THSD7B: variants seen among roughly 807,000 people sequenced by gnomAD.
THSD7B encodes the protein thrombospondin type 1 domain containing 7B, also known as thrombospondin type-1 domain-containing protein 7B.
Under a neutral mutation model 213.6 loss-of-function variants are expected in THSD7B, and 138 were observed. The observed-to-expected ratio is 0.65, with a 90% CI of 0.56 to 0.74. The LOEUF (loss-of-function observed/expected upper bound fraction) is 0.74. Among genes scored for constraint, THSD7B ranks in the 30% least tolerant of loss-of-function variants. The probability of loss-of-function intolerance (pLI) is 0.00; values close to 1 mark genes in which losing one functional copy is unlikely to be tolerated. For synonymous variants in THSD7B, 742 were observed against 687.0 expected (o/e 1.08, Z -1.25); for missense variants, 1,931 against 1,991.5 (o/e 0.97, Z 0.58).
At chr2:137,623,425 C>G (rs184503514) in intron 20 of THSD7B, among the ~76,000 whole-genome samples, 7,625 of 152,094 alleles carry the variant, frequency 0.05, 602 homozygotes, top group African/African-American at 0.18. Flanking sequence ...GCACAAGACA[C>G]AGATGCCCTC....
chr2:137,310,683 A>C (rs1449608911), intron 12 of THSD7B, among the ~76,000 whole-genome samples: 1 of 152,130 alleles, frequency 6.6e-6, no homozygotes, highest in African/African-American at 2.4e-5. Flanking sequence ...ATTTTTGTAT[A>C]AGGCATAAGG....
At chr2:136,876,551 G>A (rs572828136) in intron 1 of THSD7B, among the ~76,000 whole-genome samples, 8 of 152,282 alleles carry the variant, frequency 5.3e-5, no homozygotes, top group African/African-American at 1.9e-4. Flanking sequence ...TGGAGTGAAT[G>A]TCTATTGAGA....
At chr2:137,611,858 G>A (rs1308281941) in intron 17 of THSD7B, among the ~76,000 whole-genome samples, 1 of 151,940 alleles carries the variant, frequency 6.6e-6, no homozygotes, top group Non-Finnish European at 1.5e-5. Flanking sequence ...AAGTCTTTTG[G>A]GGAGACAAGG....
At chr2:137,529,551 C>T (rs1372754755) in intron 15 of THSD7B, among the ~76,000 whole-genome samples, 1 of 149,666 alleles carries the variant, frequency 6.7e-6, no homozygotes, top group African/African-American at 2.5e-5. Flanking sequence ...GTAGAATGTT[C>T]ATGGAATCTG....
chr2:137,176,125 G>A (rs1680353199), intron 7 of THSD7B, among the ~76,000 whole-genome samples: 1 of 152,076 alleles, frequency 6.6e-6, no homozygotes. Context: ...AAGAAGAATA[G>A]ATTATTCATC....
intron 12 of THSD7B, among the ~76,000 whole-genome samples, chr2:137,285,429 T>A (rs1683146952): frequency 6.6e-6 from 1 of 152,120 alleles, no homozygotes. Flanking sequence ...ATGTGTGAAT[T>A]TGATCCTGTC....
chr2:137,441,320 C>T (rs1356034183), intron 14 of THSD7B, among the ~76,000 whole-genome samples: 1 of 152,084 alleles, frequency 6.6e-6, no homozygotes, highest in African/African-American at 2.4e-5. Flanking sequence ...CCAGCAGAAC[C>T]TCCTCCTGTG....
chr2:137,493,308 T>A (rs559441734), intron 15 of THSD7B, among the ~76,000 whole-genome samples: 44 of 152,240 alleles, frequency 2.9e-4, no homozygotes, highest in Admixed American at 9.2e-4. Flanking sequence ...TTTTAACAAT[T>A]GCTTTCTCTA....
At chr2:136,804,403 A>AACACACACAC (rs3030361) in intron 1 of THSD7B, among the ~76,000 whole-genome samples, 2,306 of 148,158 alleles carry the variant, frequency 0.016, 33 homozygotes, top group Middle Eastern at 0.059. Context: ...ACACACACAT[A>AACACACACAC]ACACACACAC....
intron 12 of THSD7B, among the ~76,000 whole-genome samples, chr2:137,349,403 A>G (rs1049889131): frequency 7.9e-5 from 12 of 151,796 alleles, no homozygotes; most frequent in African/African-American, 2.7e-4. Flanking sequence ...CAGTACCCCA[A>G]TGCTGTTTAT....
rs1413972830 is a variant in THSD7B, at chr2:137,538,089, C to T, written c.3139-25132C>T. ...CCTGTATCCCTGAAAAATAGCAATTCTCATGTCTTTTCCTGTGATAAGCTG... is the reference window on the plus strand; with the variant it reads ...CCTGTATCCCTGAAAAATAGCAATTTTCATGTCTTTTCCTGTGATAAGCTG... On this transcript the variant is annotated intron_variant, in intron 15 of 27. Coordinates refer to ENST00000409968, the MANE Select transcript of THSD7B (RefSeq NM_001316349.2). Among the ~76,000 whole-genome samples the T allele has an allele frequency of 2.0e-5, 3 of 151,650 alleles. No individual in the cohort carries two copies. In the East Asian group the frequency reaches 5.8e-4, roughly 30 times the overall value.
At chr2:136,956,816 A>C (rs886655098) in intron 2 of THSD7B, among the ~76,000 whole-genome samples, 2 of 151,600 alleles carry the variant, frequency 1.3e-5, no homozygotes, top group East Asian at 3.9e-4. Flanking sequence ...AGTAGCTGGG[A>C]TTATAGGCGC....
intron 12 of THSD7B, among the ~76,000 whole-genome samples, chr2:137,336,511 C>T (rs538500671): frequency 6.6e-6 from 1 of 152,266 alleles, no homozygotes; most frequent in Admixed American, 6.5e-5. Context: ...AAATAACCTT[C>T]TATTCCATCC....
chr2:137,350,157 G>C (rs959443890), intron 12 of THSD7B, among the ~76,000 whole-genome samples: 1 of 151,820 alleles, frequency 6.6e-6, no homozygotes, highest in Non-Finnish European at 1.5e-5. Flanking sequence ...TAATAGTGAA[G>C]TTGTATGTTA....
intron 9 of THSD7B, among the ~76,000 whole-genome samples, chr2:137,238,424 T>A (rs1250230933): frequency 6.6e-6 from 1 of 151,992 alleles, no homozygotes; most frequent in Admixed American, 6.6e-5. Context: ...AATAAGGGAC[T>A]TAGGAGTGAT....
At chr2:137,403,468 C>G (rs1192667567) in intron 12 of THSD7B, among the ~76,000 whole-genome samples, 1 of 150,552 alleles carries the variant, frequency 6.6e-6, no homozygotes, top group Non-Finnish European at 1.5e-5. Context: ...AAACTGTGGT[C>G]TTTTTGTTCC....
At chr2:137,025,927 G>A (rs985214478) in intron 2 of THSD7B, among the ~76,000 whole-genome samples, 1 of 152,040 alleles carries the variant, frequency 6.6e-6, no homozygotes, top group African/African-American at 2.4e-5. Context: ...ACAAATTTCT[G>A]TGCATAATCT....
chr2:137,400,174 G>A (rs531776421), intron 12 of THSD7B, among the ~76,000 whole-genome samples: 1 of 151,798 alleles, frequency 6.6e-6, no homozygotes, highest in Non-Finnish European at 1.5e-5. Flanking sequence ...TGCATCTCTT[G>A]CATTGGGCTT....
At chr2:137,250,036 A>G (rs1363411172) in intron 10 of THSD7B, among the ~76,000 whole-genome samples, 2 of 152,196 alleles carry the variant, frequency 1.3e-5, no homozygotes, top group African/African-American at 4.8e-5. Flanking sequence ...AGCAAAGACC[A>G]AGTTAAAAAA....
Sources: gnomAD v4.1 joint callset for allele counts (sites outside exome capture counted in the v4.1 genomes callset) on GRCh38, gnomAD v4.1.1 for gene constraint, MANE v1.5 for transcripts, NCBI Gene and HGNC (gene_info 2026-07-23, HGNC 2026-07-21) for gene names.